FNIP1: variants seen among roughly 807,000 people sequenced by gnomAD.
FNIP1 encodes folliculin interacting protein 1, also known as folliculin-interacting protein 1.
FNIP1 carries 40 observed loss-of-function variants against 124.5 expected under a neutral mutation model. The ratio of observed to expected loss-of-function variants is 0.32; its 90% CI spans 0.25 to 0.42. FNIP1 has a LOEUF of 0.42. Ranked by LOEUF, FNIP1 falls within the 10% of genes least tolerant of loss-of-function variation. FNIP1 has a pLI of 1.00. For synonymous variants in FNIP1, 472 were observed against 470.6 expected, an observed-to-expected ratio of 1.00 and a Z score of -0.04; for missense variants, 1,176 against 1,403.7, an observed-to-expected ratio of 0.84 and a Z score of 2.59.
At position 131,672,381 on chromosome 5, in the gene FNIP1, G is replaced by C; in HGVS notation, c.2063C>G (p.Pro688Arg). 1 of 1,614,132 alleles carries C rather than the reference G, an allele frequency of 6.2e-7. No individual in the cohort carries two copies. Among genetic ancestry groups the C allele is most frequent in the Non-Finnish European group, 8.5e-7 (1 of 1,180,028 alleles). Residue 688 changes from proline (P) to arginine (R), a missense_variant, in exon 14 of 18, where the codon CCA becomes CGA. By Grantham distance (103) the Pro-to-Arg change is moderately radical. Coordinates refer to ENST00000510461, the MANE Select transcript of FNIP1 (RefSeq NM_133372.3). The part of the protein sequence containing the change: ...LETVVCTGSV[P>R]VDKCALSESG... ...CTCTGACAATGCACATTTGTCTACT[G>C]GAACAGATCCTGTGCAAACAACTGT...
intron 1 of FNIP1, among the ~76,000 whole-genome samples, chr5:131,769,731 A>G (rs1194501305): frequency 6.6e-6 from 1 of 152,196 alleles, no homozygotes; most frequent in Non-Finnish European, 1.5e-5. Context: ...GGCTCCATCT[A>G]TCCAGTCCTA....
At chr5:131,674,728 G>GA (rs960157099) in intron 13 of FNIP1, among the ~76,000 whole-genome samples, 15 of 148,438 alleles carry the variant, frequency 1.0e-4, no homozygotes, top group Non-Finnish European at 1.6e-4. Flanking sequence ...AAGAAAGAAA[G>GA]AAAAAAAAAG....
At chr5:131,683,176 T>A (rs1291190807) in intron 11 of FNIP1, among the ~76,000 whole-genome samples, 1 of 152,166 alleles carries the variant, frequency 6.6e-6, no homozygotes, top group Non-Finnish European at 1.5e-5. Context: ...TCTCTTGGTG[T>A]CTTCAGGGGA....
chr5:131,645,080 G>A (rs1766828227), intron 17 of FNIP1, among the ~76,000 whole-genome samples: 2 of 152,112 alleles, frequency 1.3e-5, no homozygotes, highest in Admixed American at 6.5e-5. Flanking sequence ...AACACTTTGG[G>A]AGGCCTAGTT....
chr5:131,658,910 A>G (rs1218181297), intron 15 of FNIP1, among the ~76,000 whole-genome samples: 3 of 104,358 alleles, frequency 2.9e-5, no homozygotes, highest in African/African-American at 1.0e-4. Flanking sequence ...GTCTAGCCAA[A>G]AAAAAAAAAA....
intron 11 of FNIP1, among the ~76,000 whole-genome samples, chr5:131,694,397 G>T (rs1214908224): frequency 6.6e-6 from 1 of 152,100 alleles, no homozygotes; most frequent in Non-Finnish European, 1.5e-5. Context: ...ATGATGAAAA[G>T]AAATGAGCTA....
chr5:131,708,808 A>G (rs918003475), intron 8 of FNIP1, among the ~76,000 whole-genome samples: 4 of 152,140 alleles, frequency 2.6e-5, no homozygotes, highest in African/African-American at 9.7e-5. Flanking sequence ...AAAAAGTATA[A>G]CATTGATTCA....
chr5:131,778,213 AC>A (rs1012678590), intron 1 of FNIP1, among the ~76,000 whole-genome samples: 5 of 152,194 alleles, frequency 3.3e-5, no homozygotes, highest in African/African-American at 1.2e-4. Flanking sequence ...AACAAAAAAA[AC>A]AACATACCAC....
intron 11 of FNIP1, among the ~76,000 whole-genome samples, chr5:131,686,809 C>T (rs1279107113): frequency 6.6e-6 from 1 of 151,872 alleles, no homozygotes; most frequent in Non-Finnish European, 1.5e-5. Flanking sequence ...AAGCAATCCT[C>T]TCACCGTGGC....
At position 131,716,584 on chromosome 5, in the gene FNIP1, A is replaced by G. The variant is rs949585877; in HGVS notation, c.603T>C (p.Asn201=). 2 of 1,600,538 alleles carry G rather than the reference A, an allele frequency of 1.2e-6. No individual in the cohort carries two copies. Among genetic ancestry groups the G allele is most frequent in the African/African-American group, 2.7e-5 (2 of 74,516 alleles). Residue 201 remains asparagine (N), a synonymous_variant, in exon 6 of 18, where the codon AAT becomes AAC. Coordinates refer to ENST00000510461, the MANE Select transcript of FNIP1 (RefSeq NM_133372.3). ...ATTTACCTATATTTCCAAGCAGTCCATTAATAACTGTGTTATTATCAGCCT... is the reference window on the plus strand; with the variant it reads ...ATTTACCTATATTTCCAAGCAGTCCGTTAATAACTGTGTTATTATCAGCCT... The part of the protein sequence containing the change: ...TLKADNNTVI[N]GLLGNIGLSQ...
rs2149550072 is a variant in FNIP1 at position 131,730,961 on chromosome 5, A to G, written c.297T>C (p.Ser99=). 1 of 1,613,196 alleles carries G rather than the reference A, an allele frequency of 6.2e-7. No individual in the cohort carries two copies. Among genetic ancestry groups the G allele is most frequent in the Non-Finnish European group, 8.5e-7 (1 of 1,179,382 alleles). ...AAGATGAAGTCACAGAACTATCTAA[A>G]GAGGAAGAACTGTCTCCTCCAGGTT... The part of the protein sequence containing the change: ...QLKPGGDSSS[S]LDSSVTSSSD... Residue 99 remains serine, a synonymous_variant, in exon 3 of 18, where the codon TCT becomes TCC. Coordinates refer to ENST00000510461, the MANE Select transcript of FNIP1 (RefSeq NM_133372.3).
At chr5:131,664,888 A>C (rs549799157) in intron 15 of FNIP1, among the ~76,000 whole-genome samples, 228 of 150,738 alleles carry the variant, frequency 1.5e-3, no homozygotes, top group African/African-American at 5.3e-3. Flanking sequence ...GGACTCAGCT[A>C]TATAAAAATA....
rs949020442 is a variant in FNIP1, at chr5:131,710,491, C to T, written c.706+87G>A. The T allele has an allele frequency of 3.3e-6, 4 of 1,218,252 alleles. No homozygotes were observed. The African/African-American group carries it at 6.1e-5, about 19-fold the overall frequency. The allele number at this position is 1,218,252 out of a possible 1,614,324, so 75.5% of individuals were successfully genotyped here. ...TAACCACAACCTCACCAACTGCATT[C>T]ATCTACTCTCTTGTTTCCACAGCTT... On this transcript the variant is annotated intron_variant, in intron 7 of 17. Transcript: ENST00000510461.
intron 1 of FNIP1, among the ~76,000 whole-genome samples, chr5:131,776,516 G>A (rs573531219): frequency 5.3e-4 from 81 of 152,164 alleles, no homozygotes; most frequent in African/African-American, 1.9e-3. Context: ...CAATAGACTG[G>A]GTAAATTGTA....
chr5:131,670,435 A>G (rs752464179), intron 15 of FNIP1, 28 bp downstream of exon 15: 2 of 1,514,592 alleles, frequency 1.3e-6, no homozygotes, highest in East Asian at 4.7e-5. Flanking sequence ...TCTTCTAAAT[A>G]AACTCAAAAA....
intron 2 of FNIP1, among the ~76,000 whole-genome samples, chr5:131,741,460 T>C (rs904147331): frequency 3.9e-5 from 6 of 152,196 alleles, no homozygotes; most frequent in Admixed American, 3.3e-4. Flanking sequence ...ATAAAATACA[T>C]AGCTTCCTAA....
At chr5:131,753,266 C>T (rs1018549908) in intron 1 of FNIP1, among the ~76,000 whole-genome samples, 22 of 152,120 alleles carry the variant, frequency 1.4e-4, no homozygotes, top group Admixed American at 9.8e-4. Flanking sequence ...TTCAGCAATT[C>T]CTCTCACAGG....
chr5:131,706,125 G>A (rs1769100687), intron 9 of FNIP1, among the ~76,000 whole-genome samples: 1 of 152,126 alleles, frequency 6.6e-6, no homozygotes, highest in South Asian at 2.1e-4. Context: ...TGGATACAGA[G>A]TTTCAGCTGG....
chr5:131,764,751 G>C (rs1771362040), intron 1 of FNIP1, among the ~76,000 whole-genome samples: 1 of 151,966 alleles, frequency 6.6e-6, no homozygotes, highest in Non-Finnish European at 1.5e-5. Context: ...ATTATTTACT[G>C]TTTATAGATA....
Sources: gnomAD v4.1 joint callset for allele counts (sites outside exome capture counted in the v4.1 genomes callset) on GRCh38, gnomAD v4.1.1 for gene constraint, MANE v1.5 for transcripts, NCBI Gene and HGNC (gene_info 2026-07-23, HGNC 2026-07-21) for gene names.